ABCA13: variants seen among roughly 807,000 people sequenced by gnomAD.
The protein encoded by ABCA13 is ATP binding cassette subfamily A member 13.
A neutral mutation model predicts 478.7 loss-of-function variants in ABCA13; 476 were observed. The observed-to-expected ratio is 0.99, with a 90% CI of 0.92 to 1.07. The LOEUF is 1.07. ABCA13 is among the 50% of genes least tolerant of loss of function. ABCA13 has a pLI of 0.00. For missense variants in ABCA13, 6,060 were observed against 5,910.6 expected (o/e 1.03, Z -0.83); for synonymous variants, 2,252 against 2,158.9 (o/e 1.04, Z -1.20).
chr7:48,527,419 C>G (rs1437599123), intron 54 of ABCA13, among the ~76,000 whole-genome samples: 1 of 152,058 alleles, frequency 6.6e-6, no homozygotes, highest in South Asian at 2.1e-4. Flanking sequence ...CAGTTTGTAT[C>G]CATAGATCGC....
chr7:48,291,303 G>A (rs12531700), intron 20 of ABCA13, among the ~76,000 whole-genome samples: 1 of 152,188 alleles, frequency 6.6e-6, no homozygotes, highest in Non-Finnish European at 1.5e-5. Context: ...AGAAAATGGA[G>A]ACGGGCTTGA....
chr7:48,360,954 G>A (rs538170891), intron 31 of ABCA13, among the ~76,000 whole-genome samples: 20 of 151,914 alleles, frequency 1.3e-4, no homozygotes, highest in African/African-American at 4.6e-4. Flanking sequence ...AAAATTAGCT[G>A]GGCGTTGTGG....
chr7:48,429,389 G>C (rs1002140839), intron 42 of ABCA13, among the ~76,000 whole-genome samples: 1 of 152,178 alleles, frequency 6.6e-6, no homozygotes, highest in African/African-American at 2.4e-5. Context: ...CCCACCAGTA[G>C]TATATGAAGT....
chr7:48,486,686 C>T (rs1829335695), intron 47 of ABCA13, among the ~76,000 whole-genome samples: 1 of 152,176 alleles, frequency 6.6e-6, no homozygotes, highest in Non-Finnish European at 1.5e-5. Context: ...CAGTGGCCTC[C>T]ACAATGGATG....
chr7:48,211,684 A>G (rs1785674920), intron 3 of ABCA13, among the ~76,000 whole-genome samples: 1 of 152,100 alleles, frequency 6.6e-6, no homozygotes, highest in Admixed American at 6.5e-5. Flanking sequence ...CAGGTGGCCA[A>G]TCCTGCTGGG....
chr7:48,614,581 C>G (rs1322777512), intron 58 of ABCA13, among the ~76,000 whole-genome samples: 1 of 150,928 alleles, frequency 6.6e-6, no homozygotes, highest in African/African-American at 2.4e-5. Flanking sequence ...AAGACACATG[C>G]ACACGTATGT....
At chr7:48,240,288 T>C (rs2129012383) in intron 9 of ABCA13, among the ~76,000 whole-genome samples, 1 of 152,352 alleles carries the variant, frequency 6.6e-6, no homozygotes, top group South Asian at 2.1e-4. Context: ...ACACACTTGC[T>C]TTGTGCATTA....
chr7:48,462,663 C>A (rs1826393930), intron 43 of ABCA13, among the ~76,000 whole-genome samples: 3 of 152,000 alleles, frequency 2.0e-5, no homozygotes, highest in Admixed American at 1.3e-4. Context: ...CATGCAGCAC[C>A]ACATCTGGCT....
chr7:48,295,998 C>T lies in ABCA13; in HGVS notation c.9119+135C>T, dbSNP rs369764485. ...TAATGTGCATATTAATATATATTTT[C>T]CAAACATCAAAGTTTTCCATGACAA... On this transcript the variant is annotated intron_variant, in intron 21 of 61. Coordinates refer to ENST00000435803, the MANE Select transcript of ABCA13 (RefSeq NM_152701.5). 3.7e-5 allele frequency: 43 copies of T among 1,148,990 alleles called. No homozygotes were observed. The Middle Eastern group carries it at 1.4e-3, about 37-fold the overall frequency. The allele number at this position is 1,148,990 out of a possible 1,614,324, so 71.2% of individuals were successfully genotyped here.
intron 28 of ABCA13, among the ~76,000 whole-genome samples, chr7:48,336,993 G>A (rs1806368843): frequency 6.6e-6 from 1 of 152,060 alleles, no homozygotes; most frequent in Non-Finnish European, 1.5e-5. Context: ...TCAAAAATAG[G>A]GCAGCTCCTT....
intron 59 of ABCA13, 57 bp downstream of exon 59, chr7:48,615,434 C>T: frequency 1.4e-6 from 2 of 1,463,354 alleles, no homozygotes; most frequent in Non-Finnish European, 1.9e-6. Context: ...TAGCATGATG[C>T]AGGGTTATGA....
chr7:48,446,081 G>A (rs945703276), intron 42 of ABCA13, among the ~76,000 whole-genome samples: 3 of 152,098 alleles, frequency 2.0e-5, no homozygotes, highest in Non-Finnish European at 4.4e-5. Context: ...TGGTTACTTT[G>A]TTCGGAATGT....
intron 42 of ABCA13, among the ~76,000 whole-genome samples, chr7:48,449,235 T>C (rs1217556692): frequency 6.6e-6 from 1 of 152,226 alleles, no homozygotes; most frequent in Admixed American, 6.5e-5. Context: ...AAACATTCTT[T>C]TATTTTCTTT....
intron 38 of ABCA13, among the ~76,000 whole-genome samples, chr7:48,394,162 G>A (rs1022729645): frequency 6.6e-6 from 1 of 152,176 alleles, no homozygotes; most frequent in Non-Finnish European, 1.5e-5. Context: ...TAATCTAAAG[G>A]TATGGAGGCC....
chr7:48,546,489 C>T (rs761200831), intron 55 of ABCA13, among the ~76,000 whole-genome samples: 4 of 151,652 alleles, frequency 2.6e-5, no homozygotes, highest in Non-Finnish European at 4.4e-5. Flanking sequence ...TTAATCCTTC[C>T]TGTACTTTCC....
chr7:48,417,799 G>A (rs1388259367), intron 41 of ABCA13, among the ~76,000 whole-genome samples: 14 of 152,114 alleles, frequency 9.2e-5, no homozygotes, highest in Admixed American at 9.2e-4. Flanking sequence ...CAGTTTCACT[G>A]CCCTGAAAAT....
In ABCA13 at chr7:48,374,429, A is replaced by G. The variant is rs778502260; in HGVS notation, c.11203+13A>G. On this transcript the variant is annotated intron_variant, in intron 34 of 61. Transcript: ENST00000435803. The stretch of plus-strand genomic sequence containing the variant: ...GGACAAGAGACAGGTAAGAGCATGC[A>G]TGTGTAAAAAGTGACTCTCAGTGAA... 6.2e-7 allele frequency: 1 copy of G among 1,602,710 alleles called. No individual in the cohort carries two copies. Among genetic ancestry groups the G allele is most frequent in the Non-Finnish European group, 8.5e-7 (1 of 1,174,426 alleles).
At chr7:48,601,436 A>C (rs2131481446) in intron 58 of ABCA13, among the ~76,000 whole-genome samples, 1 of 152,118 alleles carries the variant, frequency 6.6e-6, no homozygotes, top group Middle Eastern at 3.4e-3. Flanking sequence ...ATGTGTCCTC[A>C]TTGTTCAACT....
intron 25 of ABCA13, 58 bp downstream of exon 25, chr7:48,313,289 T>G (rs984679485): frequency 7.3e-6 from 11 of 1,501,978 alleles, no homozygotes; most frequent in Admixed American, 6.5e-5. Flanking sequence ...TCTTTGTATT[T>G]GCCCCTTTTT....
Sources: gnomAD v4.1 joint callset for allele counts (sites outside exome capture counted in the v4.1 genomes callset) on GRCh38, gnomAD v4.1.1 for gene constraint, MANE v1.5 for transcripts, NCBI Gene and HGNC (gene_info 2026-07-23, HGNC 2026-07-21) for gene names.